RUFY3: variants seen among roughly 807,000 people sequenced by gnomAD.
RUFY3 encodes protein RUFY3.
Under a neutral mutation model 84.0 loss-of-function variants are expected in RUFY3, and 34 were observed. The ratio of observed to expected loss-of-function variants is 0.40; its 90% CI spans 0.31 to 0.54. The LOEUF (loss-of-function observed/expected upper bound fraction) is 0.54, where lower values mean the gene tolerates loss of function less well. Among genes scored for constraint, RUFY3 ranks in the 20% least tolerant of loss-of-function variants. The pLI is 0.39. For missense variants in RUFY3, 507 were observed against 736.8 expected, an observed-to-expected ratio of 0.69 and a Z score of 3.61; for synonymous variants, 242 against 252.9, an observed-to-expected ratio of 0.96 and a Z score of 0.41.
upstream of RUFY3, among the ~76,000 whole-genome samples, chr4:70,719,699 C>T (rs1742044348): frequency 6.6e-6 from 1 of 152,058 alleles, no homozygotes; most frequent in Non-Finnish European, 1.5e-5. Flanking sequence ...TAAACTGTCC[C>T]CTTATTAATA....
In RUFY3 at chr4:70,751,832, A is replaced by G. The variant is rs1723180342; in HGVS notation, c.179-10687A>G. On this transcript the variant is annotated intron_variant, in intron 1 of 17. Transcript: ENST00000381006. ...ATATTTAGACCTGTGTTTCCTTCTA[A>G]GAGTTTTATAGTTTTAGCTCTTACA... 3.3e-5 allele frequency among the ~76,000 whole-genome samples: 5 copies of G among 152,308 alleles called. No homozygotes were observed. In the South Asian group the frequency reaches 8.3e-4, roughly 25 times the overall value.
intron 17 of RUFY3, among the ~76,000 whole-genome samples, chr4:70,806,240 CAG>C (rs769722153): frequency 7.9e-5 from 12 of 152,200 alleles, no homozygotes; most frequent in Non-Finnish European, 1.8e-4. Context: ...GTATGGGGAA[CAG>C]ATGTGTGAAG....
chr4:70,800,221 G>C lies in RUFY3; in HGVS notation c.1622+16G>C, dbSNP rs369902278. 16 of 1,586,142 alleles carry C rather than the reference G, an allele frequency of 1.0e-5. No homozygotes were observed. In the African/African-American group the frequency reaches 2.0e-4, roughly 20 times the overall value. On this transcript the variant is annotated intron_variant, in intron 15 of 17. Transcript: ENST00000381006. ...AAAGCCACAGGTGTTTGTTAATCAA[G>C]TATTAACTAAGATGTAAAGTTATTC...
intron 1 of RUFY3, among the ~76,000 whole-genome samples, chr4:70,727,730 T>C (rs574842683): frequency 3.5e-4 from 52 of 146,990 alleles, no homozygotes; most frequent in African/African-American, 1.3e-3. Context: ...GGGGTTGCGG[T>C]GAGCCGAGAT....
chr4:70,781,576 G>A (rs1315351078), intron 8 of RUFY3, among the ~76,000 whole-genome samples: 1 of 152,216 alleles, frequency 6.6e-6, no homozygotes, highest in Non-Finnish European at 1.5e-5. Context: ...TTTCCCAATA[G>A]TTTCTCTTAA....
chr4:70,796,519 C>G (rs139918073), intron 14 of RUFY3, among the ~76,000 whole-genome samples: 1 of 152,178 alleles, frequency 6.6e-6, no homozygotes, highest in Non-Finnish European at 1.5e-5. Flanking sequence ...GCAGCTGATA[C>G]GGGCACAACA....
At chr4:70,789,735 A>G in intron 12 of RUFY3, 143 bp downstream of exon 12, 2 of 1,345,712 alleles carry the variant, frequency 1.5e-6, no homozygotes, top group Non-Finnish European at 1.9e-6. Flanking sequence ...AGCCAGTTGA[A>G]TGTTATGTGT....
At chr4:70,744,073 A>T (rs889076882) in intron 1 of RUFY3, among the ~76,000 whole-genome samples, 2 of 152,248 alleles carry the variant, frequency 1.3e-5, no homozygotes, top group Non-Finnish European at 2.9e-5. Context: ...ACTCAGAAAA[A>T]GCTGATGATA....
chr4:70,738,815 C>T (rs1407338463), intron 1 of RUFY3, among the ~76,000 whole-genome samples: 6 of 151,580 alleles, frequency 4.0e-5, no homozygotes, highest in Admixed American at 3.9e-4. Flanking sequence ...CTCTGTCACC[C>T]AGGCTGGAGT....
upstream of RUFY3, among the ~76,000 whole-genome samples, chr4:70,719,669 C>A (rs1438837516): frequency 6.6e-6 from 1 of 152,126 alleles, no homozygotes; most frequent in East Asian, 1.9e-4. Flanking sequence ...TGAAGTATTG[C>A]ATGATATAAA....
At chr4:70,714,547 T>C (rs532061936) in intron 1 of RUFY3, among the ~76,000 whole-genome samples, 5 of 152,310 alleles carry the variant, frequency 3.3e-5, no homozygotes, top group African/African-American at 1.2e-4. Flanking sequence ...CTGACCTGTT[T>C]GTTGGGGCAT....
intron 1 of RUFY3, among the ~76,000 whole-genome samples, chr4:70,715,478 G>A (rs1405614802): frequency 9.9e-5 from 15 of 151,898 alleles, no homozygotes; most frequent in Non-Finnish European, 4.4e-5. Flanking sequence ...CAGCTACTTG[G>A]GAGTCTGAGG....
At chr4:70,723,698 A>C (rs953931247) in intron 1 of RUFY3, among the ~76,000 whole-genome samples, 1 of 152,198 alleles carries the variant, frequency 6.6e-6, no homozygotes, top group African/African-American at 2.4e-5. Flanking sequence ...ATGAAAAAAA[A>C]CAAAAAACGC....
At chr4:70,760,665 G>C (rs1428141669) in intron 1 of RUFY3, among the ~76,000 whole-genome samples, 5 of 152,046 alleles carry the variant, frequency 3.3e-5, no homozygotes, top group African/African-American at 7.2e-5. Context: ...GTCTTTCAGG[G>C]CATAGTTTTC....
chr4:70,707,836 A>G (rs920724097), intron 1 of RUFY3, among the ~76,000 whole-genome samples: 2 of 152,240 alleles, frequency 1.3e-5, no homozygotes, highest in Non-Finnish European at 2.9e-5. Context: ...ACGTAAGCAT[A>G]CTTACAGAAA....
chr4:70,784,920 A>C, intron 10 of RUFY3, 41 bp downstream of exon 10: 2 of 1,388,198 alleles, frequency 1.4e-6, no homozygotes, highest in Non-Finnish European at 2.0e-6. Context: ...GAATATATTA[A>C]AAGGTAACTG....
intron 1 of RUFY3, among the ~76,000 whole-genome samples, chr4:70,755,734 G>A (rs1358779976): frequency 7.9e-5 from 12 of 152,158 alleles, no homozygotes; most frequent in Middle Eastern, 3.4e-3. Flanking sequence ...GGCGGATCAC[G>A]AGGTCAGGAG....
intron 16 of RUFY3, among the ~76,000 whole-genome samples, chr4:70,803,734 T>C (rs1732523608): frequency 6.6e-6 from 1 of 151,042 alleles, no homozygotes; most frequent in African/African-American, 2.4e-5. Context: ...TTTTTCCTTT[T>C]TTTTTTGAGA....
At chr4:70,767,976 G>A (rs1394904072) in intron 4 of RUFY3, among the ~76,000 whole-genome samples, 1 of 152,120 alleles carries the variant, frequency 6.6e-6, no homozygotes, top group Non-Finnish European at 1.5e-5. Flanking sequence ...ACCGTGCCCA[G>A]CCAATAATTT....
Sources: gnomAD v4.1 joint callset for allele counts (sites outside exome capture counted in the v4.1 genomes callset) on GRCh38, gnomAD v4.1.1 for gene constraint, MANE v1.5 for transcripts, NCBI Gene and HGNC (gene_info 2026-07-23, HGNC 2026-07-21) for gene names.